Variants in OPRD1 observed in about 807,000 individuals in gnomAD.
OPRD1 encodes the protein opioid receptor delta 1, also known as delta-type opioid receptor.
OPRD1 carries 19 observed loss-of-function variants against 17.5 expected under a neutral mutation model. The observed-to-expected ratio is 1.09, with a 90% CI of 0.76 to 1.60. The LOEUF (loss-of-function observed/expected upper bound fraction) is 1.60, where lower values mean the gene tolerates loss of function less well. OPRD1 is among the 40% of genes most tolerant of loss of function. OPRD1 has a pLI of 0.00. For missense variants in OPRD1, 483 were observed against 547.2 expected, an observed-to-expected ratio of 0.88 and a Z score of 1.17; for synonymous variants, 256 against 240.9, an observed-to-expected ratio of 1.06 and a Z score of -0.58.
intron 1 of OPRD1, among the ~76,000 whole-genome samples, chr1:28,833,008 G>A (rs759297029): frequency 1.2e-4 from 19 of 152,242 alleles, no homozygotes; most frequent in Admixed American, 3.3e-4. Context: ...CAGATGGTGA[G>A]GACTCAAAAT....
At chr1:28,818,883 G>A (rs2088690739) in intron 1 of OPRD1, among the ~76,000 whole-genome samples, 3 of 152,110 alleles carry the variant, frequency 2.0e-5, no homozygotes, top group Admixed American at 2.0e-4. Flanking sequence ...GGATGTGGGA[G>A]CTGAGGCTGG....
intron 1 of OPRD1, among the ~76,000 whole-genome samples, chr1:28,828,754 C>A (rs2088787713): frequency 2.0e-5 from 3 of 150,348 alleles, no homozygotes; most frequent in Non-Finnish European, 4.4e-5. Context: ...CTTTGGGAGG[C>A]CAAGGCAGGT....
chr1:28,846,858 C>CTTTCT (rs1557575985), intron 1 of OPRD1, among the ~76,000 whole-genome samples: 19 of 54,354 alleles, frequency 3.5e-4, no homozygotes, highest in African/African-American at 9.1e-4. Flanking sequence ...TTCTTTCTTT[C>CTTTCT]TTTCTTTCTT....
chr1:28,827,015 C>T (rs2088773734), intron 1 of OPRD1, among the ~76,000 whole-genome samples: 1 of 152,184 alleles, frequency 6.6e-6, no homozygotes, highest in Non-Finnish European at 1.5e-5. Flanking sequence ...CCACTTTCGG[C>T]CAGAAGCGGT....
At chr1:28,857,174 G>A (rs904794749) in intron 1 of OPRD1, among the ~76,000 whole-genome samples, 6 of 152,190 alleles carry the variant, frequency 3.9e-5, no homozygotes, top group Admixed American at 2.0e-4. Flanking sequence ...AAAGAACAGC[G>A]ATTGTGTCCA....
chr1:28,864,429 C>T lies in OPRD1; in HGVS notation c.*1146C>T, dbSNP rs1423399443. On this transcript the variant is annotated 3_prime_UTR_variant, in exon 3 of 3. Coordinates refer to ENST00000234961, the MANE Select transcript of OPRD1 (RefSeq NM_000911.4). Reference sequence around the variant, plus strand: ...ACAGGACAGCAGAGCGGGGGGCAGCCACTCCAGGATAGGGTAATAAGACAG... The same window carrying T: ...ACAGGACAGCAGAGCGGGGGGCAGCTACTCCAGGATAGGGTAATAAGACAG... 1 of 151,878 alleles carries T rather than the reference C, an allele frequency of 6.6e-6. No homozygotes were observed. The highest frequency in any genetic ancestry group is 1.5e-5 in the Non-Finnish European group (1 of 68,238). 9.4% of individuals were successfully genotyped at this position (151,878 alleles called of 1,614,324 possible). A position where few individuals can be genotyped will look rare whatever the true frequency, so the allele number is the denominator to read the frequency against.
intron 1 of OPRD1, among the ~76,000 whole-genome samples, chr1:28,823,668 A>T (rs1182193769): frequency 6.6e-6 from 1 of 151,926 alleles, no homozygotes; most frequent in Non-Finnish European, 1.5e-5. Context: ...TGCTGGGATT[A>T]CAGGCGTGAG....
At chr1:28,840,136 A>G (rs2088883896) in intron 1 of OPRD1, among the ~76,000 whole-genome samples, 2 of 152,186 alleles carry the variant, frequency 1.3e-5, no homozygotes, top group Non-Finnish European at 2.9e-5. Context: ...TGTGGAAGAC[A>G]GACACATGAA....
intron 1 of OPRD1, among the ~76,000 whole-genome samples, chr1:28,851,801 G>T (rs2089006096): frequency 1.3e-5 from 2 of 150,198 alleles, no homozygotes; most frequent in Admixed American, 1.3e-4. Context: ...AACCGGGGAG[G>T]CGGAGGTTGC....
At chr1:28,860,362 TA>T (rs1553151572) in intron 2 of OPRD1, among the ~76,000 whole-genome samples, 6,251 of 49,286 alleles carry the variant, frequency 0.13, 404 homozygotes, top group African/African-American at 0.2. Flanking sequence ...GGGACTTGTC[TA>T]AAAAAAAAAA....
intron 1 of OPRD1, among the ~76,000 whole-genome samples, chr1:28,858,508 A>G (rs1236144588): frequency 6.7e-6 from 1 of 150,152 alleles, no homozygotes; most frequent in Non-Finnish European, 1.5e-5. Context: ...GCCAAATCAG[A>G]TAGTGCAGGG....
intron 1 of OPRD1, among the ~76,000 whole-genome samples, chr1:28,831,688 G>C (rs924591946): frequency 6.6e-6 from 1 of 152,166 alleles, no homozygotes; most frequent in African/African-American, 2.4e-5. Context: ...GGGACCACAG[G>C]CACCACCATG....
At chr1:28,852,463 T>A (rs1450315884) in intron 1 of OPRD1, among the ~76,000 whole-genome samples, 1 of 152,230 alleles carries the variant, frequency 6.6e-6, no homozygotes, top group East Asian at 1.9e-4. Context: ...ATCTACAAAG[T>A]CGTAAGAATG....
At chr1:28,845,966 C>T (rs1457371000) in intron 1 of OPRD1, among the ~76,000 whole-genome samples, 1 of 152,162 alleles carries the variant, frequency 6.6e-6, no homozygotes, top group Non-Finnish European at 1.5e-5. Context: ...ACATCACTTC[C>T]CTGTTTAAAG....
At chr1:28,817,902 CGG>C (rs34321858) in intron 1 of OPRD1, among the ~76,000 whole-genome samples, 2 of 91,864 alleles carry the variant, frequency 2.2e-5, no homozygotes, top group Admixed American at 2.3e-4. Flanking sequence ...ATGGGCGGGG[CGG>C]GGGGGGGGTT....
In OPRD1 at chr1:28,863,011, G is replaced by A. The variant is rs1324003441; in HGVS notation, c.847G>A (p.Val283Ile). The A allele has an allele frequency of 2.5e-6, 4 of 1,609,732 alleles. No homozygotes were observed. The highest frequency in any genetic ancestry group is 2.2e-5 in the East Asian group (1 of 44,702). ...CWAPIHIFVI[V>I]WTLVDIDRRD... ...GGCGCCCATCCACATCTTCGTCATC[G>A]TCTGGACGCTGGTGGACATCGACCG... Residue 283 changes from valine to isoleucine, a missense_variant, in exon 3 of 3, where the codon GTC becomes ATC. By Grantham distance (29) the Val-to-Ile change is conservative. Coordinates refer to ENST00000234961, the MANE Select transcript of OPRD1 (RefSeq NM_000911.4).
intron 1 of OPRD1, among the ~76,000 whole-genome samples, chr1:28,854,623 G>A (rs1221170584): frequency 6.6e-6 from 1 of 151,264 alleles, no homozygotes; most frequent in East Asian, 1.9e-4. Context: ...GTTGGACTAA[G>A]ACATCCACAT....
chr1:28,852,579 A>G (rs2089015048), intron 1 of OPRD1, among the ~76,000 whole-genome samples: 1 of 152,092 alleles, frequency 6.6e-6, no homozygotes, highest in South Asian at 2.1e-4. Context: ...CTGAGGCCAG[A>G]GAATCGTTTG....
intron 1 of OPRD1, among the ~76,000 whole-genome samples, chr1:28,834,627 A>G (rs1183115463): frequency 6.6e-6 from 1 of 151,332 alleles, no homozygotes; most frequent in Non-Finnish European, 1.5e-5. Context: ...TGATCCTCCC[A>G]CCTCGGACTC....
Sources: allele counts gnomAD v4.1 joint callset (sites outside exome capture counted in the v4.1 genomes callset), GRCh38; gene constraint gnomAD v4.1.1; transcripts MANE v1.5; gene names NCBI Gene and HGNC (gene_info 2026-07-23, HGNC 2026-07-21).